Variants in ZBTB46 observed in about 807,000 individuals in gnomAD.
ZBTB46 encodes zinc finger and BTB domain containing 46, also known as zinc finger and BTB domain-containing protein 46.
ZBTB46 carries 8 observed loss-of-function variants against 44.1 expected under a neutral mutation model. That is an observed-to-expected ratio of 0.18 (90% confidence interval 0.11 to 0.33). The LOEUF (loss-of-function observed/expected upper bound fraction) is 0.33. Ranked by LOEUF, ZBTB46 falls within the 10% of genes least tolerant of loss-of-function variation. The pLI, the probability that ZBTB46 is intolerant of heterozygous loss-of-function variation, is 1.00. For missense variants in ZBTB46, 651 were observed against 847.7 expected (o/e 0.77, Z 2.88); for synonymous variants, 409 against 382.3 (o/e 1.07, Z -0.81).
intron 1 of ZBTB46, among the ~76,000 whole-genome samples, chr20:63,807,189 G>T (rs1055758864): frequency 6.6e-6 from 1 of 152,166 alleles, no homozygotes; most frequent in Admixed American, 6.6e-5. Flanking sequence ...TCTTTTGTTG[G>T]AAGTTTATTG....
chr20:63,781,769 A>G (rs1204463842), intron 2 of ZBTB46, among the ~76,000 whole-genome samples: 3 of 147,550 alleles, frequency 2.0e-5, no homozygotes, highest in Non-Finnish European at 4.5e-5. Context: ...TCCAGCCTGG[A>G]CAACAGAGCG....
At chr20:63,825,786 G>A (rs747340847) in intron 1 of ZBTB46, among the ~76,000 whole-genome samples, 15 of 152,190 alleles carry the variant, frequency 9.9e-5, no homozygotes, top group Non-Finnish European at 1.5e-4. Context: ...TTGGGAAAGC[G>A]GCGAATCAAC....
chr20:63,800,735 G>A (rs1006800843), intron 1 of ZBTB46, among the ~76,000 whole-genome samples: 1 of 152,228 alleles, frequency 6.6e-6, no homozygotes, highest in East Asian at 1.9e-4. Context: ...GCCCACCGGC[G>A]CTGTGCTTGA....
chr20:63,766,650 G>A (rs899783544), intron 3 of ZBTB46, among the ~76,000 whole-genome samples: 2 of 152,090 alleles, frequency 1.3e-5, no homozygotes, highest in Non-Finnish European at 2.9e-5. Context: ...CTGCTCTCCC[G>A]ACCCTCACAG....
rs200419248 is a variant in ZBTB46, at chr20:63,752,322, C to CA, written c.1398+363dup. ...GGCGCGGTGGGTGCAGACAGGTCGG[C>CA]AGGCACAAGGACAGGGTTCTCCCTC... On this transcript the variant is annotated intron_variant, in intron 4 of 4. Coordinates refer to ENST00000245663, the MANE Select transcript of ZBTB46 (RefSeq NM_001369741.1). This position sits in a 1 kb window ranked among gnomAD's most constrained non-coding sequence, Gnocchi z 5.6. 5.6e-3 allele frequency among the ~76,000 whole-genome samples: 848 copies of CA among 152,102 alleles called. 12 individuals carry two copies. Among genetic ancestry groups the CA allele is most frequent in the African/African-American group, 0.019 (805 of 41,468 alleles).
chr20:63,775,093 G>T (rs1207096152), intron 3 of ZBTB46, among the ~76,000 whole-genome samples: 1 of 152,234 alleles, frequency 6.6e-6, no homozygotes, highest in Non-Finnish European at 1.5e-5. Flanking sequence ...AGCAGTGGCT[G>T]AACTTTTGGC....
At chr20:63,773,666 C>T (rs1353642063) in intron 3 of ZBTB46, among the ~76,000 whole-genome samples, 2 of 152,106 alleles carry the variant, frequency 1.3e-5, no homozygotes, top group Non-Finnish European at 2.9e-5. Context: ...ACCGGCCGCA[C>T]CCAAGCTGCT....
chr20:63,818,395 G>A (rs1292320598), intron 1 of ZBTB46, among the ~76,000 whole-genome samples: 3 of 152,222 alleles, frequency 2.0e-5, no homozygotes, highest in African/African-American at 7.2e-5. Flanking sequence ...TCGTGAGGAG[G>A]AGAGCAGCGC....
Position 63,824,024 on chromosome 20 carries a change from G to A in ZBTB46, c.-34+7073C>T, listed in dbSNP as rs564609465. ...TGAGTGCAGAGAGGAGGCTGTAGGCGAATCAAGGCTTCTTTAGAGACCAGA... is the reference window on the plus strand; with the variant it reads ...TGAGTGCAGAGAGGAGGCTGTAGGCAAATCAAGGCTTCTTTAGAGACCAGA... On this transcript the variant is annotated intron_variant, in intron 1 of 4. Transcript: ENST00000245663. Among the ~76,000 whole-genome samples the A allele has an allele frequency of 2.3e-4, 35 of 152,210 alleles. No individual in the cohort carries two copies. The South Asian group carries it at 5.2e-3, about 23-fold the overall frequency.
intron 1 of ZBTB46, among the ~76,000 whole-genome samples, chr20:63,804,755 G>T (rs969191550): frequency 2.0e-5 from 3 of 151,902 alleles, no homozygotes; most frequent in African/African-American, 4.8e-5. Context: ...AGCCAGGCGT[G>T]GTGGGGGGCG....
chr20:63,766,197 G>A (rs1045232749), intron 3 of ZBTB46, among the ~76,000 whole-genome samples: 1 of 141,986 alleles, frequency 7.0e-6, no homozygotes, highest in Admixed American at 7.3e-5. Context: ...CCCAACAGCT[G>A]AGAGATCCTT....
At position 63,798,674 on chromosome 20, in the gene ZBTB46, C is replaced by CAAAAAAAAAAAA. The variant is rs71197435; in HGVS notation, c.-33-7896_-33-7885dup. The stretch of plus-strand genomic sequence containing the variant: ...TGGCCAACAGAGCTAGACTCTGTCT[C>CAAAAAAAAAAAA]AAAAAAAAAAAAAAAAAAATTAGCT... On this transcript the variant is annotated intron_variant, in intron 1 of 4. Coordinates refer to ENST00000245663, the MANE Select transcript of ZBTB46 (RefSeq NM_001369741.1). Among the ~76,000 whole-genome samples the CAAAAAAAAAAAA allele has an allele frequency of 1.3e-3, 25 of 18,744 alleles. 3 individuals are homozygous for CAAAAAAAAAAAA. Among genetic ancestry groups the CAAAAAAAAAAAA allele is most frequent in the South Asian group, 3.6e-3 (1 of 274 alleles). The allele number at this position is 18,744 out of a possible 152,430, so 12.3% of individuals were successfully genotyped here. A position where few individuals can be genotyped will look rare whatever the true frequency, so the allele number is the denominator to read the frequency against.
chr20:63,744,089 G>C lies in ZBTB46; in HGVS notation c.*2841C>G, dbSNP rs1328855612. The C allele has an allele frequency of 6.6e-6, 1 of 152,322 alleles. No homozygotes were observed. The highest frequency in any genetic ancestry group is 1.5e-5 in the Non-Finnish European group (1 of 68,040). The allele number at this position is 152,322 out of a possible 1,614,324, so 9.4% of individuals were successfully genotyped here. A position where few individuals can be genotyped will look rare whatever the true frequency, so the allele number is the denominator to read the frequency against. ...CACTACAAGTAGTTCTAAAAGGGCT[G>C]CATACAAAACACAATATAAGATCTA... is the stretch of plus-strand genomic sequence containing the variant. On this transcript the variant is annotated 3_prime_UTR_variant, in exon 5 of 5. Transcript: ENST00000245663.
At chr20:63,829,754 G>A (rs1416383249) in intron 1 of ZBTB46, among the ~76,000 whole-genome samples, 1 of 152,206 alleles carries the variant, frequency 6.6e-6, no homozygotes, top group Admixed American at 6.5e-5. Flanking sequence ...TCCTTTTGAT[G>A]AACAAACTAT....
At chr20:63,799,123 C>A (rs139848472) in intron 1 of ZBTB46, among the ~76,000 whole-genome samples, 5,794 of 151,016 alleles carry the variant, frequency 0.038, 154 homozygotes, top group Non-Finnish European at 0.058. Context: ...CTCCACCTCC[C>A]GGGCTCAAGC....
chr20:63,773,426 G>A (rs776519585), intron 3 of ZBTB46, among the ~76,000 whole-genome samples: 4 of 152,120 alleles, frequency 2.6e-5, no homozygotes, highest in East Asian at 1.9e-4. Flanking sequence ...GTTTCCCCAC[G>A]TTGCCCAGGC....
chr20:63,776,047 C>T (rs1344675244), intron 2 of ZBTB46, 85 bp from the exon 3 acceptor site: 13 of 1,445,746 alleles, frequency 9.0e-6, no homozygotes, highest in Non-Finnish European at 1.2e-5. Flanking sequence ...AGAAGGACAG[C>T]GACCAGCTTC....
At chr20:63,775,424 C>T in intron 3 of ZBTB46, 1 of 424,070 alleles carries the variant, frequency 2.4e-6, no homozygotes, top group Non-Finnish European at 4.2e-6. Context: ...TTCCAGCAAG[C>T]ACTCGGCTGC....
rs1269845990 is a variant in ZBTB46 at position 63,767,259 on chromosome 20, A to G, written c.1222+8419T>C. Among the ~76,000 whole-genome samples, 1 of 151,930 alleles carries G rather than the reference A, an allele frequency of 6.6e-6. No individual in the cohort carries two copies. Among genetic ancestry groups the G allele is most frequent in the Admixed American group, 6.5e-5 (1 of 15,272 alleles). ...GGCTCCACTTCCCACGGATGGGGAC[A>G]TGTTTTCCCGCCCCTGAAAGCCCCC... On this transcript the variant is annotated intron_variant, in intron 3 of 4. Coordinates refer to ENST00000245663, the MANE Select transcript of ZBTB46 (RefSeq NM_001369741.1). The surrounding 1 kb of genome is among the most constrained non-coding windows in gnomAD (Gnocchi z 5.0).
Sources: allele counts gnomAD v4.1 joint callset (sites outside exome capture counted in the v4.1 genomes callset), GRCh38; gene constraint gnomAD v4.1.1; non-coding constraint Gnocchi (gnomAD v3.1); transcripts MANE v1.5; gene names NCBI Gene and HGNC (gene_info 2026-07-23, HGNC 2026-07-21).